Variants in EXD3 observed in about 807,000 individuals in gnomAD.
The protein encoded by EXD3 is exonuclease mut-7 homolog.
EXD3 carries 92 observed loss-of-function variants against 98.0 expected under a neutral mutation model. The observed-to-expected ratio is 0.94, with a 90% CI of 0.79 to 1.12. The LOEUF is 1.12. EXD3 is among the 50% of genes most tolerant of loss of function. The pLI, the probability that EXD3 is intolerant of heterozygous loss-of-function variation, is 0.00. For synonymous variants in EXD3, 569 were observed against 526.0 expected, an observed-to-expected ratio of 1.08 and a Z score of -1.12; for missense variants, 1,222 against 1,191.6, an observed-to-expected ratio of 1.03 and a Z score of -0.38.
At chr9:137,348,446 G>A (rs1388173907) in intron 16 of EXD3, among the ~76,000 whole-genome samples, 2 of 137,274 alleles carry the variant, frequency 1.5e-5, no homozygotes, top group Non-Finnish European at 3.1e-5. Context: ...TCATGCTGGG[G>A]GGGCTCCACG....
chr9:137,342,272 C>T (rs576389053), intron 17 of EXD3, among the ~76,000 whole-genome samples: 144 of 103,136 alleles, frequency 1.4e-3, no homozygotes, highest in African/African-American at 6.1e-3. Flanking sequence ...GGAAACGGGG[C>T]TCAGGCACCA....
At chr9:137,312,556 G>A (rs916652144) in intron 19 of EXD3, among the ~76,000 whole-genome samples, 3 of 152,196 alleles carry the variant, frequency 2.0e-5, no homozygotes, top group African/African-American at 7.2e-5. Flanking sequence ...CCACAGCCAA[G>A]TGGGTCTGAG....
intron 17 of EXD3, among the ~76,000 whole-genome samples, chr9:137,326,686 TA>T (rs113488439): frequency 1.6e-4 from 24 of 150,736 alleles, no homozygotes; most frequent in South Asian, 2.1e-4. Flanking sequence ...GTGGCCTTTA[TA>T]AAAAAAAAGG....
chr9:137,321,954 G>A (rs933564899), intron 19 of EXD3, among the ~76,000 whole-genome samples: 3 of 152,168 alleles, frequency 2.0e-5, no homozygotes, highest in African/African-American at 7.2e-5. Context: ...GTGGGGCATA[G>A]CAAGCTTGGA....
intron 7 of EXD3, among the ~76,000 whole-genome samples, chr9:137,364,776 T>TTG (rs1402839195): frequency 4.7e-5 from 7 of 149,314 alleles, no homozygotes; most frequent in Admixed American, 4.0e-4. Flanking sequence ...CTATGTTTTT[T>TTG]TTTTTTTTTT....
chr9:137,350,101 G>A (rs1159984713), intron 14 of EXD3, among the ~76,000 whole-genome samples: 8 of 111,142 alleles, frequency 7.2e-5, no homozygotes, highest in Non-Finnish European at 1.5e-4. Flanking sequence ...AGATAGAGAG[G>A]GGTGGGGATC....
chr9:137,390,294 T>A (rs1475526754), intron 2 of EXD3, among the ~76,000 whole-genome samples: 2 of 147,694 alleles, frequency 1.4e-5, no homozygotes, highest in Non-Finnish European at 3.0e-5. Flanking sequence ...TAGCCGGGAG[T>A]GGCGGCGGGC....
chr9:137,398,493 C>T (rs1837317121), intron 1 of EXD3, among the ~76,000 whole-genome samples: 1 of 152,160 alleles, frequency 6.6e-6, no homozygotes, highest in Non-Finnish European at 1.5e-5. Flanking sequence ...TGTCTGAGAA[C>T]GTCCCCATGA....
At chr9:137,327,986 C>A (rs1832552812) in intron 17 of EXD3, among the ~76,000 whole-genome samples, 4 of 152,284 alleles carry the variant, frequency 2.6e-5, no homozygotes, top group Middle Eastern at 3.4e-3. Flanking sequence ...CTAATATACA[C>A]CCATATGATG....
At chr9:137,325,142 G>A (rs984435492) in intron 17 of EXD3, among the ~76,000 whole-genome samples, 1 of 152,170 alleles carries the variant, frequency 6.6e-6, no homozygotes, top group African/African-American at 2.4e-5. Context: ...TCCCATCGCC[G>A]GGAGTGCCCT....
chr9:137,390,978 C>T (rs1007239942), intron 2 of EXD3, among the ~76,000 whole-genome samples: 1 of 152,256 alleles, frequency 6.6e-6, no homozygotes, highest in Non-Finnish European at 1.5e-5. Flanking sequence ...GGGACAAGCC[C>T]GTCCCCAGGG....
chr9:137,394,222 C>T (rs1837093345), intron 2 of EXD3, among the ~76,000 whole-genome samples: 1 of 61,756 alleles, frequency 1.6e-5, no homozygotes, highest in Non-Finnish European at 3.1e-5. Context: ...ACCCCGGCCT[C>T]CCAGCCTCCG....
At chr9:137,355,606 A>C (rs1330196187) in intron 8 of EXD3, among the ~76,000 whole-genome samples, 3 of 20,914 alleles carry the variant, frequency 1.4e-4, no homozygotes, top group African/African-American at 4.3e-4. Context: ...GGAAGGAGAA[A>C]GGAGGAAGGA....
At chr9:137,318,003 G>A (rs1488071400) in intron 19 of EXD3, among the ~76,000 whole-genome samples, 2 of 151,984 alleles carry the variant, frequency 1.3e-5, no homozygotes, top group Non-Finnish European at 2.9e-5. Flanking sequence ...TGTGGCCGCT[G>A]CACCTCTTCC....
chr9:137,369,365 C>T (rs1835472853), intron 5 of EXD3, among the ~76,000 whole-genome samples: 1 of 152,122 alleles, frequency 6.6e-6, no homozygotes, highest in African/African-American at 2.4e-5. Flanking sequence ...GCCAGAGCTC[C>T]GGAAGGCAGG....
intron 3 of EXD3, among the ~76,000 whole-genome samples, chr9:137,375,474 G>A (rs145608067): frequency 6.6e-6 from 1 of 152,046 alleles, no homozygotes; most frequent in African/African-American, 2.4e-5. Context: ...TAACTCTAGC[G>A]AGTTCTAGGT....
In EXD3 at chr9:137,307,145, C is replaced by G; in HGVS notation, c.2436G>C (p.Gln812His). ...PDMLADGTRLQLAGVPVGVLR... is the reference protein window; with the variant it reads ...PDMLADGTRLHLAGVPVGVLR... ...GCACACCCACCGGGACCCCTGCCAG[C>G]TGCAGCCGGGTGCCGTCGGCCAGCA... Residue 812 changes from glutamine (Q) to histidine (H), a missense_variant, in exon 22 of 22, where the codon CAG (glutamine) becomes CAC (histidine). Transcript: ENST00000340951. 6.3e-7 allele frequency: 1 copy of G among 1,596,318 alleles called. No individual in the cohort carries two copies. The highest frequency in any genetic ancestry group is 8.5e-7 in the Non-Finnish European group (1 of 1,172,454).
At position 137,336,068 on chromosome 9, in the gene EXD3, A is replaced by G. The variant is rs113981075; in HGVS notation, c.1999-11925T>C. On this transcript the variant is annotated intron_variant, in intron 17 of 21. Transcript: ENST00000340951. ...AACCAAATACTGCATGTTCTCACTTATAAGTGGGAACTAACCTATGGGTAC... is the reference window on the plus strand; with the variant it reads ...AACCAAATACTGCATGTTCTCACTTGTAAGTGGGAACTAACCTATGGGTAC... Among the ~76,000 whole-genome samples, 296 of 152,348 alleles carry G rather than the reference A, an allele frequency of 1.9e-3. 2 individuals carry two copies. The highest frequency in any genetic ancestry group is 6.8e-3 in the Middle Eastern group (2 of 294).
At chr9:137,343,575 C>CTTCTTTTTTTTTTTTTTTTT (rs1833760503) in intron 17 of EXD3, 1 of 56,588 alleles carries the variant, frequency 1.8e-5, no homozygotes, top group Non-Finnish European at 2.9e-5. Flanking sequence ...ACTACTGTAT[C>CTTCTTTTTTTTTTTTTTTTT]TTTTTTTTTT....
Sources: gnomAD v4.1 joint callset for allele counts (sites outside exome capture counted in the v4.1 genomes callset) on GRCh38, gnomAD v4.1.1 for gene constraint, MANE v1.5 for transcripts, NCBI Gene and HGNC (gene_info 2026-07-23, HGNC 2026-07-21) for gene names.